The following MACROD2 variants were observed in gnomAD, a reference collection of about 807,000 sequenced individuals.
MACROD2 encodes the protein mono-ADP ribosylhydrolase 2.
In MACROD2, 36 loss-of-function variants were observed where a neutral mutation model predicts 70.4. That is an observed-to-expected ratio of 0.51 (90% CI 0.39 to 0.68). The LOEUF is 0.68. MACROD2 is among the 30% of genes least tolerant of loss of function. MACROD2 has a pLI of 0.00. For synonymous variants in MACROD2, 172 were observed against 178.8 expected (o/e 0.96, Z 0.30); for missense variants, 496 against 538.4 (o/e 0.92, Z 0.78).
At chr20:14,958,827 A>G (rs1256433173) in intron 5 of MACROD2, among the ~76,000 whole-genome samples, 1 of 152,106 alleles carries the variant, frequency 6.6e-6, no homozygotes, top group African/African-American at 2.4e-5. Context: ...CCCCACCCTT[A>G]GATTTCAGAT....
chr20:15,046,097 C>G (rs1041081574), intron 5 of MACROD2, among the ~76,000 whole-genome samples: 3 of 152,036 alleles, frequency 2.0e-5, no homozygotes, highest in Non-Finnish European at 2.9e-5. Flanking sequence ...TAAGCATCTT[C>G]TTCGCCTTTT....
chr20:14,813,715 A>G (rs4490256), intron 5 of MACROD2, among the ~76,000 whole-genome samples: 30,742 of 151,898 alleles, frequency 0.2, 3,354 homozygotes, highest in African/African-American at 0.24. Context: ...ATACCTCCAT[A>G]CATTCATCAA....
At chr20:15,785,393 G>T (rs1030511273) in intron 8 of MACROD2, among the ~76,000 whole-genome samples, 2 of 152,116 alleles carry the variant, frequency 1.3e-5, no homozygotes, top group Non-Finnish European at 2.9e-5. Context: ...TTCTCTTGGA[G>T]AATATAGATT....
At chr20:14,522,990 T>G (rs971268026) in intron 4 of MACROD2, among the ~76,000 whole-genome samples, 11 of 152,188 alleles carry the variant, frequency 7.2e-5, no homozygotes, top group African/African-American at 2.7e-4. Flanking sequence ...CCTTTTATAC[T>G]TTTGAGAATG....
chr20:14,054,124 T>G (rs1188124286), intron 2 of MACROD2, among the ~76,000 whole-genome samples: 1 of 151,716 alleles, frequency 6.6e-6, no homozygotes, highest in Non-Finnish European at 1.5e-5. Flanking sequence ...AATTGGTTGT[T>G]TACTTTTCTG....
intron 3 of MACROD2, among the ~76,000 whole-genome samples, chr20:14,457,299 C>T (rs1274375161): frequency 6.6e-6 from 1 of 152,034 alleles, no homozygotes; most frequent in Admixed American, 6.6e-5. Flanking sequence ...AATGCTTCAT[C>T]AACACACTGG....
intron 5 of MACROD2, among the ~76,000 whole-genome samples, chr20:14,836,197 T>TTTTA (rs1305348969): frequency 1.3e-5 from 2 of 152,114 alleles, no homozygotes; most frequent in African/African-American, 4.8e-5. Context: ...AAGCAAGTTA[T>TTTTA]TTTACTTCTA....
chr20:14,636,547 A>G lies in MACROD2; in HGVS notation c.302-48296A>G, dbSNP rs150134458. On this transcript the variant is annotated intron_variant, in intron 4 of 17. Coordinates refer to ENST00000684519, the MANE Select transcript of MACROD2 (RefSeq NM_001351661.2). The stretch of plus-strand genomic sequence containing the variant: ...ACGAAAGGCAAGAGTGATCCTGGAA[A>G]GCCAAATGGGTGCCTGTAGAAGAGG... 2.0e-5 allele frequency: 3 copies of G among 152,318 alleles called. No individual in the cohort carries two copies. In the East Asian group the frequency reaches 5.8e-4, roughly 29 times the overall value. The allele number at this position is 152,318 out of a possible 1,614,324, so 9.4% of individuals were successfully genotyped here. A position where few individuals can be genotyped will look rare whatever the true frequency, so the allele number is the denominator to read the frequency against.
At chr20:15,244,275 A>C (rs916760758) in intron 6 of MACROD2, among the ~76,000 whole-genome samples, 1 of 152,188 alleles carries the variant, frequency 6.6e-6, no homozygotes, top group Non-Finnish European at 1.5e-5. Context: ...TTGATGTACT[A>C]TTTTGCTGGT....
intron 5 of MACROD2, among the ~76,000 whole-genome samples, chr20:15,061,747 A>G (rs2075534586): frequency 6.6e-6 from 1 of 152,192 alleles, no homozygotes; most frequent in African/African-American, 2.4e-5. Context: ...TAAAGCAAAG[A>G]TGTCTGATGA....
chr20:14,403,923 T>C (rs1296513996), intron 3 of MACROD2, among the ~76,000 whole-genome samples: 1 of 151,962 alleles, frequency 6.6e-6, no homozygotes, highest in Admixed American at 6.6e-5. Context: ...AAATCAGATA[T>C]AGAATAAAAA....
At chr20:14,814,301 A>C (rs1301802413) in intron 5 of MACROD2, among the ~76,000 whole-genome samples, 1 of 152,126 alleles carries the variant, frequency 6.6e-6, no homozygotes, top group Non-Finnish European at 1.5e-5. Context: ...TCAGCTGGTC[A>C]CAGCCAGGAG....
chr20:15,212,006 T>C (rs1485194518), intron 5 of MACROD2, among the ~76,000 whole-genome samples: 1 of 152,218 alleles, frequency 6.6e-6, no homozygotes, highest in Non-Finnish European at 1.5e-5. Context: ...TTTCTCCACA[T>C]ACTAACACTT....
chr20:16,041,077 AAAG>A, intron 15 of MACROD2, 121 bp from the exon 16 acceptor site: 1 of 796,560 alleles, frequency 1.3e-6, no homozygotes, highest in South Asian at 1.7e-5. Flanking sequence ...CTTTTCTGCA[AAAG>A]AAGTTGAATC....
chr20:14,825,514 T>C (rs1438332156), intron 5 of MACROD2, among the ~76,000 whole-genome samples: 1 of 151,932 alleles, frequency 6.6e-6, no homozygotes, highest in East Asian at 1.9e-4. Context: ...AACACCTTTG[T>C]CAAAAAAAAA....
At chr20:15,424,170 G>A (rs1324783454) in intron 6 of MACROD2, among the ~76,000 whole-genome samples, 1 of 152,144 alleles carries the variant, frequency 6.6e-6, no homozygotes, top group African/African-American at 2.4e-5. Flanking sequence ...TCTTGTGGGG[G>A]ACACAAACAT....
At chr20:14,695,892 A>T (rs1761651448) in intron 5 of MACROD2, among the ~76,000 whole-genome samples, 1 of 152,194 alleles carries the variant, frequency 6.6e-6, no homozygotes, top group South Asian at 2.1e-4. Flanking sequence ...TGTTTTTTTA[A>T]GTGCAGGGTA....
At chr20:15,718,354 A>G (rs536635055) in intron 8 of MACROD2, among the ~76,000 whole-genome samples, 2 of 152,334 alleles carry the variant, frequency 1.3e-5, no homozygotes, top group Non-Finnish European at 2.9e-5. Context: ...CCATAAAAAT[A>G]TAGCTTAATT....
chr20:15,096,048 TC>T (rs2075829158), intron 5 of MACROD2, among the ~76,000 whole-genome samples: 1 of 151,936 alleles, frequency 6.6e-6, no homozygotes, highest in South Asian at 2.1e-4. Flanking sequence ...AGAGTGTTTT[TC>T]CCCCCAGGTG....
Sources: allele counts gnomAD v4.1 joint callset (sites outside exome capture counted in the v4.1 genomes callset), GRCh38; gene constraint gnomAD v4.1.1; transcripts MANE v1.5; gene names NCBI Gene and HGNC (gene_info 2026-07-23, HGNC 2026-07-21).